The following ZNF649 variants were observed in gnomAD, a reference collection of about 807,000 sequenced individuals.
The protein encoded by ZNF649 is zinc finger protein 649.
A neutral mutation model predicts 14.1 loss-of-function variants in ZNF649; 7 were observed. The ratio of observed to expected loss-of-function variants is 0.49; its 90% CI spans 0.28 to 0.93. The LOEUF is 0.93. ZNF649 is among the 40% of genes least tolerant of loss of function. ZNF649 has a pLI of 0.10. For missense variants in ZNF649, 544 were observed against 608.1 expected (o/e 0.89, Z 1.11); for synonymous variants, 227 against 212.3 (o/e 1.07, Z -0.60).
rs755273267 is a variant in ZNF649 at position 51,896,879 on chromosome 19, C to G, written c.115G>C (p.Glu39Gln). 4 of 1,614,158 alleles carry G rather than the reference C, an allele frequency of 2.5e-6. No individual in the cohort carries two copies. The East Asian group carries it at 8.9e-5, about 36-fold the overall frequency. ...ACTGACACAAGGTTGCTGTAGTTCT[C>G]CAACATCACATCCCGGTACAGGTCC... is the stretch of plus-strand genomic sequence containing the variant. ...QKDLYRDVML[E>Q]NYSNLVSVGY... is the part of the protein sequence containing the mutation. Residue 39 changes from glutamate to glutamine, a missense_variant, in exon 3 of 5, where the codon GAG becomes CAG. Transcript: ENST00000354957.
intron 2 of ZNF649, 122 bp from the exon 3 acceptor site, chr19:51,897,100 A>T: frequency 3.6e-6 from 5 of 1,402,528 alleles, no homozygotes; most frequent in South Asian, 1.3e-5. Flanking sequence ...GGTATACTCA[A>T]TGGAATGGTT....
At position 51,889,654 on chromosome 19, in the gene ZNF649, A is replaced by T. The variant is rs2085003274; in HGVS notation, c.*964T>A. Reference sequence around the variant, plus strand: ...GCCATCCCTTAGGGATTAGGACTTCAACATGTAAATTTGGAGAGGACATAA... The same window carrying T: ...GCCATCCCTTAGGGATTAGGACTTCTACATGTAAATTTGGAGAGGACATAA... On this transcript the variant is annotated 3_prime_UTR_variant, in exon 5 of 5. Coordinates refer to ENST00000354957, the MANE Select transcript of ZNF649 (RefSeq NM_023074.4). The T allele has an allele frequency of 2.0e-5, 3 of 152,232 alleles. No individual in the cohort carries two copies. Among genetic ancestry groups the T allele is most frequent in the African/African-American group, 7.2e-5 (3 of 41,460 alleles). The allele number at this position is 152,232 out of a possible 1,614,324, so 9.4% of individuals were successfully genotyped here. A position where few individuals can be genotyped will look rare whatever the true frequency, so the allele number is the denominator to read the frequency against.
Position 51,891,781 on chromosome 19 carries a change from T to A in ZNF649, c.355A>T (p.Asn119Tyr). ...RTLKSYLGLT[N>Y]QSRRYNRKEP... ...TTTCTGTTGTATCTTCTGCTCTGGT[T>A]GGTTAAACCTAAATATGATTTCAAA... is the stretch of plus-strand genomic sequence containing the variant. The change falls in exon 5 of 5, where the codon AAC (asparagine) becomes TAC (tyrosine). Residue 119 changes from asparagine to tyrosine, a missense_variant. Physicochemically the swap from Asn to Tyr is moderately radical, Grantham distance 143 (BLOSUM62 -2). Transcript: ENST00000354957. This position sits in a 1 kb window ranked among gnomAD's most constrained non-coding sequence, Gnocchi z 4.2. 1 of 1,614,034 alleles carries A rather than the reference T, an allele frequency of 6.2e-7. No individual in the cohort carries two copies. The highest frequency in any genetic ancestry group is 8.5e-7 in the Non-Finnish European group (1 of 1,179,998).
intron 1 of ZNF649, among the ~76,000 whole-genome samples, chr19:51,904,455 A>G (rs1164213583): frequency 6.6e-6 from 1 of 151,828 alleles, no homozygotes; most frequent in Non-Finnish European, 1.5e-5. Flanking sequence ...TGGGCTTGTA[A>G]AATACCAGAT....
chr19:51,893,612 C>T (rs1001527964), intron 4 of ZNF649, among the ~76,000 whole-genome samples: 54 of 152,286 alleles, frequency 3.5e-4, no homozygotes, highest in African/African-American at 1.2e-3. Context: ...AAGCAGAACA[C>T]GTGGTCCTCT....
Position 51,891,845 on chromosome 19 carries a change from T to C in ZNF649, c.291A>G (p.Ile97Met). The C allele has an allele frequency of 1.3e-6, 2 of 1,584,626 alleles. No homozygotes were observed. The highest frequency in any genetic ancestry group is 1.7e-6 in the Non-Finnish European group (2 of 1,172,168). The change falls in exon 5 of 5, where the codon ATA becomes ATG. Residue 97 changes from isoleucine (I) to methionine (M), a missense_variant. Physicochemically the swap from Ile to Met is conservative, Grantham distance 10. Coordinates refer to ENST00000354957, the MANE Select transcript of ZNF649 (RefSeq NM_023074.4). The surrounding 1 kb of genome is among the most constrained non-coding windows in gnomAD (Gnocchi z 4.2). ...CATAGCGTTGTCCCGTCCTCTTCAG[T>C]ATTTTTTGGTTTTGCAAGGGCTGCT... ...HLQQPLQNQKILKRTGQRYEH... is the reference protein window; with the variant it reads ...HLQQPLQNQKMLKRTGQRYEH...
At chr19:51,892,810 A>G (rs746987074) in intron 4 of ZNF649, among the ~76,000 whole-genome samples, 35 of 152,232 alleles carry the variant, frequency 2.3e-4, no homozygotes, top group Admixed American at 2.3e-3. Context: ...TCTTTGTAGC[A>G]ATAAGATACC....
At chr19:51,900,922 C>T (rs968950553) in intron 1 of ZNF649, among the ~76,000 whole-genome samples, 1 of 152,202 alleles carries the variant, frequency 6.6e-6, no homozygotes, top group East Asian at 1.9e-4. Flanking sequence ...GAACTCACAA[C>T]ACTCAGTCTA....
At chr19:51,893,281 CAT>C (rs1002616184) in intron 4 of ZNF649, among the ~76,000 whole-genome samples, 14 of 152,028 alleles carry the variant, frequency 9.2e-5, no homozygotes, top group Admixed American at 7.2e-4. Flanking sequence ...TCACTATGCA[CAT>C]GTTTGCTGAT....
chr19:51,892,939 T>C (rs2085034501), intron 4 of ZNF649, among the ~76,000 whole-genome samples: 1 of 152,206 alleles, frequency 6.6e-6, no homozygotes. Flanking sequence ...TTGTTTTGTT[T>C]CTTTTTCTGT....
chr19:51,891,472 T>C lies in ZNF649; in HGVS notation c.664A>G (p.Thr222Ala), dbSNP rs751172852. 8.1e-6 allele frequency: 13 copies of C among 1,613,900 alleles called. No individual in the cohort carries two copies. Among genetic ancestry groups the C allele is most frequent in the Non-Finnish European group, 1.7e-6 (2 of 1,179,868 alleles). ...GKAFYKKYRL[T>A]EHERAHRGEK... ...CCTCTGTGAGCTCTCTCGTGTTCAG[T>C]GAGCCTGTACTTCTTGTAGAAGGCT... Residue 222 changes from threonine (T) to alanine (A), a missense_variant, in exon 5 of 5, where the codon ACT becomes GCT. Transcript: ENST00000354957. This position sits in a 1 kb window ranked among gnomAD's most constrained non-coding sequence, Gnocchi z 4.2.
chr19:51,903,947 A>G (rs1381679619), intron 1 of ZNF649, among the ~76,000 whole-genome samples: 12 of 151,984 alleles, frequency 7.9e-5, no homozygotes, highest in Admixed American at 7.9e-4. Context: ...ACCTAGCTTA[A>G]CAGACAAAAT....
chr19:51,894,731 T>A (rs1008778280), intron 4 of ZNF649, among the ~76,000 whole-genome samples: 1 of 152,212 alleles, frequency 6.6e-6, no homozygotes, highest in Non-Finnish European at 1.5e-5. Flanking sequence ...GCCCTATTTT[T>A]GCTAACAAAA....
rs1476672894 is a variant in ZNF649 at position 51,896,987 on chromosome 19, A to T, written c.16-9T>A. The stretch of plus-strand genomic sequence containing the variant: ...TCCAGGGTCAGTGATTCCTGTAATA[A>T]CACAGTCCTGCTTAATATGTTTCTC... On this transcript the variant is annotated splice_polypyrimidine_tract_variant and intron_variant, in intron 2 of 4. Transcript: ENST00000354957. 6.2e-7 allele frequency: 1 copy of T among 1,614,152 alleles called. No homozygotes were observed. The highest frequency in any genetic ancestry group is 8.5e-7 in the Non-Finnish European group (1 of 1,179,990).
intron 4 of ZNF649, among the ~76,000 whole-genome samples, chr19:51,892,435 T>C (rs1398615892): frequency 6.6e-6 from 1 of 151,898 alleles, no homozygotes; most frequent in Non-Finnish European, 1.5e-5. Flanking sequence ...TCCCAGCACT[T>C]TGGGAGGGTG....
intron 4 of ZNF649, 58 bp downstream of exon 4, chr19:51,896,409 TCTCTA>T: frequency 6.9e-7 from 1 of 1,444,074 alleles, no homozygotes; most frequent in African/African-American, 1.4e-5. Flanking sequence ...TGTCATGCCT[TCTCTA>T]AATGACCAGA....
At chr19:51,892,372 C>T (rs1020324704) in intron 4 of ZNF649, among the ~76,000 whole-genome samples, 2 of 136,972 alleles carry the variant, frequency 1.5e-5, no homozygotes, top group Non-Finnish European at 3.1e-5. Context: ...AAGACTCCAT[C>T]TCAAAAAAAA....
chr19:51,891,372 G>A lies in ZNF649; in HGVS notation c.764C>T (p.Ala255Val). ...CCCGTATGGTTTCTCTCCTTTGTGA[G>A]CTCTCTCGTGTTCAGTGAGCCTGTA... Reference protein sequence around the residue: ...KRYRLTEHERAHKGEKPYGCS... With the variant: ...KRYRLTEHERVHKGEKPYGCS... The change falls in exon 5 of 5, where the codon GCT becomes GTT. Residue 255 changes from alanine (A) to valine (V), a missense_variant. Ala to Val is a moderately conservative substitution (Grantham distance 64, BLOSUM62 0). Transcript: ENST00000354957. The surrounding 1 kb of genome is among the most constrained non-coding windows in gnomAD (Gnocchi z 4.2). The A allele has an allele frequency of 6.2e-7, 1 of 1,614,020 alleles. No individual in the cohort carries two copies. Among genetic ancestry groups the A allele is most frequent in the Non-Finnish European group, 8.5e-7 (1 of 1,179,908 alleles).
chr19:51,894,562 T>A (rs11879436), intron 4 of ZNF649, among the ~76,000 whole-genome samples: 31,239 of 152,162 alleles, frequency 0.21, 3,807 homozygotes, highest in South Asian at 0.38. Flanking sequence ...TCAGTCTGTC[T>A]TTCTCCATCT....
Sources: gnomAD v4.1 joint callset for allele counts (sites outside exome capture counted in the v4.1 genomes callset) on GRCh38, gnomAD v4.1.1 for gene constraint, Gnocchi (gnomAD v3.1) non-coding constraint, MANE v1.5 for transcripts, NCBI Gene and HGNC (gene_info 2026-07-23, HGNC 2026-07-21) for gene names.